FBXO33: variants seen among roughly 807,000 people sequenced by gnomAD.
The protein encoded by FBXO33 is F-box only protein 33.
In FBXO33, 22 loss-of-function variants were observed where a neutral mutation model predicts 46.3. The ratio of observed to expected loss-of-function variants is 0.48; its 90% confidence interval spans 0.34 to 0.68. The LOEUF is 0.68. Among genes scored for constraint, FBXO33 ranks in the 30% least tolerant of loss-of-function variants. The pLI, the probability that FBXO33 is intolerant of heterozygous loss-of-function variation, is 0.01. For synonymous variants in FBXO33, 337 were observed against 291.3 expected (o/e 1.16, Z -1.60); for missense variants, 692 against 708.8 (o/e 0.98, Z 0.27).
At chr14:39,431,221 A>T (rs1175340608) in intron 1 of FBXO33, among the ~76,000 whole-genome samples, 1 of 152,188 alleles carries the variant, frequency 6.6e-6, no homozygotes, top group African/African-American at 2.4e-5. Flanking sequence ...GCTCACCCAC[A>T]GGCCTCACCC....
chr14:39,403,113 A>C (rs2075376645), intron 1 of FBXO33, among the ~76,000 whole-genome samples: 1 of 152,206 alleles, frequency 6.6e-6, no homozygotes, highest in Non-Finnish European at 1.5e-5. Flanking sequence ...TCTAAATTTT[A>C]TAGAGATGAT....
intron 1 of FBXO33, among the ~76,000 whole-genome samples, chr14:39,429,357 C>G (rs2075531764): frequency 6.6e-6 from 1 of 152,054 alleles, no homozygotes; most frequent in South Asian, 2.1e-4. Flanking sequence ...GTAAATTTAA[C>G]TTGGAAATGT....
chr14:39,423,028 A>G (rs1232468643), intron 1 of FBXO33, among the ~76,000 whole-genome samples: 3 of 152,166 alleles, frequency 2.0e-5, no homozygotes, highest in African/African-American at 7.2e-5. Flanking sequence ...AGGCTGAGGC[A>G]GGAGAACTGC....
intron 1 of FBXO33, among the ~76,000 whole-genome samples, chr14:39,423,650 A>T (rs563043299): frequency 2.0e-4 from 31 of 152,370 alleles, no homozygotes; most frequent in Non-Finnish European, 4.4e-4. Context: ...GATTCTAAAG[A>T]TAACATACTG....
chr14:39,406,712 G>A (rs1337835004), intron 1 of FBXO33, among the ~76,000 whole-genome samples: 1 of 152,140 alleles, frequency 6.6e-6, no homozygotes, highest in African/African-American at 2.4e-5. Flanking sequence ...ATATTACCCA[G>A]GTTTTTGGCT....
chr14:39,398,355 T>C lies in FBXO33; in HGVS notation c.*1161A>G, dbSNP rs1357680271. 1 of 152,650 alleles carries C rather than the reference T, an allele frequency of 6.6e-6. No individual in the cohort carries two copies. The highest frequency in any genetic ancestry group is 2.4e-5 in the African/African-American group (1 of 41,458). The allele number at this position is 152,650 out of a possible 1,614,324, so 9.5% of individuals were successfully genotyped here. A position where few individuals can be genotyped will look rare whatever the true frequency, so the allele number is the denominator to read the frequency against. Reference sequence around the variant, plus strand: ...GTTTTAAAACATACTTCATGGAATGTTCTTCATGTATCATAGCAGCTCATA... The same window carrying C: ...GTTTTAAAACATACTTCATGGAATGCTCTTCATGTATCATAGCAGCTCATA... On this transcript the variant is annotated 3_prime_UTR_variant, in exon 4 of 4. Transcript: ENST00000298097.
intron 1 of FBXO33, among the ~76,000 whole-genome samples, chr14:39,423,395 G>A (rs764301858): frequency 4.6e-5 from 7 of 152,044 alleles, no homozygotes; most frequent in Admixed American, 2.0e-4. Context: ...ATATGTATAC[G>A]GTATGATCCA....
At chr14:39,431,460 C>A (rs2075549169) in intron 1 of FBXO33, 104 bp downstream of exon 1, 2 of 1,559,118 alleles carry the variant, frequency 1.3e-6, no homozygotes, top group South Asian at 2.3e-5. Context: ...AGGAAGGCAA[C>A]ACTGAAGTTG....
intron 1 of FBXO33, among the ~76,000 whole-genome samples, chr14:39,430,278 A>C (rs2075536293): frequency 6.6e-6 from 1 of 152,258 alleles, no homozygotes; most frequent in African/African-American, 2.4e-5. Flanking sequence ...GGAAACGCAC[A>C]GGCAACTGGA....
chr14:39,423,030 G>A (rs1222591383), intron 1 of FBXO33, among the ~76,000 whole-genome samples: 1 of 152,106 alleles, frequency 6.6e-6, no homozygotes, highest in Non-Finnish European at 1.5e-5. Flanking sequence ...GCTGAGGCAG[G>A]AGAACTGCTT....
chr14:39,428,859 A>C (rs1206404295), intron 1 of FBXO33, among the ~76,000 whole-genome samples: 1 of 152,178 alleles, frequency 6.6e-6, no homozygotes, highest in African/African-American at 2.4e-5. Context: ...GTGACCTAAA[A>C]TACAGTTGAA....
At chr14:39,420,824 T>G (rs932586038) in intron 1 of FBXO33, among the ~76,000 whole-genome samples, 1 of 152,174 alleles carries the variant, frequency 6.6e-6, no homozygotes, top group Non-Finnish European at 1.5e-5. Flanking sequence ...CAAGTAAAAT[T>G]AGAAAACAAG....
chr14:39,421,219 T>C (rs1245447294), intron 1 of FBXO33, among the ~76,000 whole-genome samples: 5 of 152,206 alleles, frequency 3.3e-5, no homozygotes, highest in Non-Finnish European at 5.9e-5. Flanking sequence ...TTTTGAAAAG[T>C]AGGATTCATT....
At chr14:39,401,960 G>C in intron 2 of FBXO33, 99 bp from the exon 3 acceptor site, 1 of 907,074 alleles carries the variant, frequency 1.1e-6, no homozygotes, top group Non-Finnish European at 1.7e-6. Flanking sequence ...ATGCAATTTT[G>C]AGATCTATTT....
Position 39,417,982 on chromosome 14 carries a change from C to G in FBXO33, c.599+13582G>C, listed in dbSNP as rs867746588. 1.2e-4 allele frequency among the ~76,000 whole-genome samples: 19 copies of G among 152,108 alleles called. 1 individual carries two copies. The Middle Eastern group carries it at 0.02, about 163-fold the overall frequency. ...TAAAACCATACACAGACTGTTATCC[C>G]AATTTTGTAGAAGGATGCATCACAT... On this transcript the variant is annotated intron_variant, in intron 1 of 3. Coordinates refer to ENST00000298097, the MANE Select transcript of FBXO33 (RefSeq NM_203301.4).
chr14:39,419,014 A>G (rs1255481114), intron 1 of FBXO33, among the ~76,000 whole-genome samples: 1 of 152,204 alleles, frequency 6.6e-6, no homozygotes. Context: ...ATATGTAATG[A>G]GAGATATACT....
At chr14:39,407,381 T>C (rs1567073995) in intron 1 of FBXO33, among the ~76,000 whole-genome samples, 1 of 152,224 alleles carries the variant, frequency 6.6e-6, no homozygotes, top group East Asian at 1.9e-4. Flanking sequence ...GGTACTATGC[T>C]TTACAACAGA....
intron 1 of FBXO33, among the ~76,000 whole-genome samples, chr14:39,411,889 T>C (rs1286194827): frequency 6.6e-6 from 1 of 152,246 alleles, no homozygotes; most frequent in Non-Finnish European, 1.5e-5. Flanking sequence ...CTTTTATTGA[T>C]TTCCAGTTTT....
Position 39,432,054 on chromosome 14 carries a change from G to T in FBXO33, c.109C>A (p.Arg37=). The change falls in exon 1 of 4, where the codon CGG becomes AGG. Residue 37 remains arginine (R), a synonymous_variant. Coordinates refer to ENST00000298097, the MANE Select transcript of FBXO33 (RefSeq NM_203301.4). ...AGTACCCGGAGCAGCCCCCGCAGCC[G>T]TCGCAGCTGCTGCAGCCGCAGCCGC... ...WRRLRLQQLR[R]LRGLLRVLRG... The T allele has an allele frequency of 8.2e-7, 1 of 1,222,524 alleles. No homozygotes were observed. The highest frequency in any genetic ancestry group is 1.0e-6 in the Non-Finnish European group (1 of 968,772). The allele number at this position is 1,222,524 out of a possible 1,614,324, so 75.7% of individuals were successfully genotyped here.
Sources: allele counts gnomAD v4.1 joint callset (sites outside exome capture counted in the v4.1 genomes callset), GRCh38; gene constraint gnomAD v4.1.1; transcripts MANE v1.5; gene names NCBI Gene and HGNC (gene_info 2026-07-23, HGNC 2026-07-21).